HSD17B12: variants seen among roughly 807,000 people sequenced by gnomAD.
HSD17B12 encodes the protein very-long-chain 3-oxoacyl-CoA reductase.
A neutral mutation model predicts 39.3 loss-of-function variants in HSD17B12; 32 were observed. The ratio of observed to expected loss-of-function variants is 0.81; its 90% confidence interval spans 0.61 to 1.09. The LOEUF (loss-of-function observed/expected upper bound fraction) is 1.09. Ranked by LOEUF, HSD17B12 falls within the 50% of genes least tolerant of loss-of-function variation. The pLI, the probability that HSD17B12 is intolerant of heterozygous loss-of-function variation, is 0.00. For missense variants in HSD17B12, 342 were observed against 382.9 expected (o/e 0.89, Z 0.89); for synonymous variants, 150 against 146.7 (o/e 1.02, Z -0.16).
chr11:43,588,866 A>G, the HSD17B12 span, among the ~76,000 whole-genome samples: 2 of 151,870 alleles, frequency 1.3e-5, no homozygotes, highest in Admixed American at 1.3e-4. Context: ...GTGTCCCTAC[A>G]TGAAGATTAT....
At chr11:43,787,666 G>A (rs1441322466) in intron 3 of HSD17B12, among the ~76,000 whole-genome samples, 3 of 151,860 alleles carry the variant, frequency 2.0e-5, no homozygotes, top group African/African-American at 7.3e-5. Flanking sequence ...GAACCTGGGA[G>A]GTGGAGGTTG....
the HSD17B12 span, among the ~76,000 whole-genome samples, chr11:43,599,207 G>C: frequency 1.3e-5 from 2 of 152,070 alleles, no homozygotes; most frequent in Non-Finnish European, 2.9e-5. Context: ...GGCAGGACTC[G>C]GTGTGATTTT....
chr11:43,820,714 A>T (rs1951174297), intron 6 of HSD17B12, among the ~76,000 whole-genome samples: 1 of 152,190 alleles, frequency 6.6e-6, no homozygotes, highest in South Asian at 2.1e-4. Flanking sequence ...CTCCTCACTA[A>T]ACTACATGAC....
rs1290072552 is a variant in HSD17B12, at chr11:43,815,442, A to G, written c.397A>G (p.Asn133Asp). 2 of 1,566,064 alleles carry G rather than the reference A, an allele frequency of 1.3e-6. No homozygotes were observed. Among genetic ancestry groups the G allele is most frequent in the South Asian group, 2.4e-5 (2 of 83,604 alleles). ...AGLEIGILVN[N>D]VGMSYEYPEY... ...ATCATCTTGTTCTATTTCAGTGAAC[A>G]ACGTGGGAATGTCGTATGAGTATCC... Residue 133 changes from asparagine (N) to aspartate (D), a missense_variant, in exon 5 of 11, where the codon AAC becomes GAC. By Grantham distance (23) the Asn-to-Asp change is conservative. Coordinates refer to ENST00000278353, the MANE Select transcript of HSD17B12 (RefSeq NM_016142.3).
chr11:43,599,127 A>G, the HSD17B12 span, among the ~76,000 whole-genome samples: 457 of 152,298 alleles, frequency 3.0e-3, no homozygotes, highest in Middle Eastern at 0.031. Context: ...TCTATCCACT[A>G]ATTCTTATAC....
chr11:43,589,876 T>C, the HSD17B12 span, among the ~76,000 whole-genome samples: 1 of 152,206 alleles, frequency 6.6e-6, no homozygotes, highest in Non-Finnish European at 1.5e-5. Context: ...TGCACGCCCT[T>C]CAGCAACTCT....
chr11:43,672,064 T>A, the HSD17B12 span, among the ~76,000 whole-genome samples: 1 of 152,190 alleles, frequency 6.6e-6, no homozygotes, highest in South Asian at 2.1e-4. Flanking sequence ...TTTATTTTTT[T>A]TAGAGACCGA....
At chr11:43,657,479 G>T in the HSD17B12 span, among the ~76,000 whole-genome samples, 1 of 152,198 alleles carries the variant, frequency 6.6e-6, no homozygotes. Flanking sequence ...ATTAGTTGAT[G>T]CAGTTTCTTC....
chr11:43,840,003 T>C lies in HSD17B12; in HGVS notation c.623T>C (p.Phe208Ser), dbSNP rs761261691. Residue 208 changes from phenylalanine to serine, a missense_variant, in exon 9 of 11, where the codon TTT becomes TCT. Transcript: ENST00000278353. ...LLTIYSATKT[F>S]VDFFSQCLHE... is the part of the protein sequence containing the mutation. ...TCACTCCCACTCCCCTCCCAGACTT[T>C]TGTAGATTTCTTCTCTCAGTGCCTC... is the stretch of plus-strand genomic sequence containing the variant. 2.5e-6 allele frequency: 4 copies of C among 1,612,240 alleles called. No individual in the cohort carries two copies. The East Asian group carries it at 8.9e-5, about 36-fold the overall frequency.
chr11:43,599,912 A>G, the HSD17B12 span, among the ~76,000 whole-genome samples: 2 of 152,196 alleles, frequency 1.3e-5, no homozygotes, highest in Non-Finnish European at 2.9e-5. Context: ...TTTATTGAAG[A>G]TATAATTTCT....
intron 1 of HSD17B12, among the ~76,000 whole-genome samples, chr11:43,713,577 TG>T (rs1409857076): frequency 6.6e-6 from 1 of 152,166 alleles, no homozygotes; most frequent in East Asian, 1.9e-4. Flanking sequence ...TGAATAGTGC[TG>T]CAGTAAACAT....
the HSD17B12 span, among the ~76,000 whole-genome samples, chr11:43,628,781 A>G: frequency 3.4e-3 from 516 of 151,824 alleles, 3 homozygotes; most frequent in East Asian, 0.031. Context: ...TTTTTATTAA[A>G]TTAATAATTT....
At chr11:43,789,058 A>G (rs1325699060) in intron 3 of HSD17B12, among the ~76,000 whole-genome samples, 1 of 152,154 alleles carries the variant, frequency 6.6e-6, no homozygotes. Context: ...TTCTTAAAAC[A>G]TGCTGTTCGT....
In HSD17B12 at chr11:43,799,705, T is replaced by A. The variant is rs557568758; in HGVS notation, c.391+1278T>A. Among the ~76,000 whole-genome samples, 4 of 152,328 alleles carry A rather than the reference T, an allele frequency of 2.6e-5. No homozygotes were observed. In the East Asian group the frequency reaches 7.7e-4, roughly 29 times the overall value. ...AAGTTGGATAAATTAAGATAATTTT[T>A]AAAAACATTTTCTAACATTTCTTTA... On this transcript the variant is annotated intron_variant, in intron 4 of 10. Coordinates refer to ENST00000278353, the MANE Select transcript of HSD17B12 (RefSeq NM_016142.3).
the HSD17B12 span, chr11:43,670,461 G>A: frequency 3.4e-4 from 52 of 152,326 alleles, no homozygotes; most frequent in African/African-American, 1.2e-3. Flanking sequence ...CTTACCTTTG[G>A]AGAATGGACT....
chr11:43,846,543 A>T (rs548048363), intron 9 of HSD17B12, among the ~76,000 whole-genome samples: 2 of 152,322 alleles, frequency 1.3e-5, no homozygotes, highest in African/African-American at 2.4e-5. Context: ...GCATGCCTAT[A>T]AACCCAGCTA....
intron 1 of HSD17B12, among the ~76,000 whole-genome samples, chr11:43,733,567 G>C (rs1185210945): frequency 6.6e-6 from 1 of 152,172 alleles, no homozygotes; most frequent in African/African-American, 2.4e-5. Flanking sequence ...TAAATTGAGT[G>C]ATACATTGAA....
At chr11:43,638,413 T>C in the HSD17B12 span, among the ~76,000 whole-genome samples, 2 of 151,286 alleles carry the variant, frequency 1.3e-5, no homozygotes, top group Non-Finnish European at 2.9e-5. Flanking sequence ...GCAGTGAATT[T>C]TCCCAAATTA....
chr11:43,588,518 C>T, the HSD17B12 span, among the ~76,000 whole-genome samples: 1 of 152,030 alleles, frequency 6.6e-6, no homozygotes, highest in African/African-American at 2.4e-5. Context: ...TAACACCCTT[C>T]ACCATAAGGC....
Sources: gnomAD v4.1 joint callset for allele counts (sites outside exome capture counted in the v4.1 genomes callset) on GRCh38, gnomAD v4.1.1 for gene constraint, MANE v1.5 for transcripts, NCBI Gene and HGNC (gene_info 2026-07-23, HGNC 2026-07-21) for gene names.